The following AGBL1 variants were observed in gnomAD, a reference collection of about 807,000 sequenced individuals.
AGBL1 encodes cytosolic carboxypeptidase 4.
In AGBL1, 130 loss-of-function variants were observed where a neutral mutation model predicts 118.9. The ratio of observed to expected loss-of-function variants is 1.09; its 90% confidence interval spans 0.95 to 1.26. The LOEUF (loss-of-function observed/expected upper bound fraction) is 1.26. AGBL1 is among the 50% of genes most tolerant of loss of function. The probability of loss-of-function intolerance (pLI) is 0.00; values close to 1 mark genes in which losing one functional copy is unlikely to be tolerated. For missense variants in AGBL1, 1,584 were observed against 1,298.1 expected, an observed-to-expected ratio of 1.22 and a Z score of -3.38; for synonymous variants, 555 against 478.9, an observed-to-expected ratio of 1.16 and a Z score of -2.08.
intron 17 of AGBL1, among the ~76,000 whole-genome samples, chr15:86,352,211 T>C (rs955664912): frequency 5.9e-5 from 9 of 152,198 alleles, no homozygotes; most frequent in African/African-American, 2.2e-4. Context: ...CTTGAGTCAC[T>C]AAAGCAACTA....
chr15:86,248,876 G>A (rs182177728), intron 7 of AGBL1, among the ~76,000 whole-genome samples: 3 of 152,142 alleles, frequency 2.0e-5, no homozygotes, highest in Non-Finnish European at 4.4e-5. Flanking sequence ...TAGAGAGAGA[G>A]GTCAAGTCAT....
Position 86,554,417 on chromosome 15 carries a change from C to A in AGBL1, c.2874C>A (p.Ser958Arg). The A allele has an allele frequency of 6.3e-7, 1 of 1,588,464 alleles. No homozygotes were observed. The highest frequency in any genetic ancestry group is 8.6e-7 in the Non-Finnish European group (1 of 1,167,092). Residue 958 changes from serine (S) to arginine (R), a missense_variant, in exon 21 of 23, where the codon AGC becomes AGA. By Grantham distance (110) the Ser-to-Arg change is moderately radical. Transcript: ENST00000614907. ...CAGCATTCACAATGAGCAGCTGCAG[C>A]TTTCTCGTGGAGAAATCTCGAGCTT... ...LAPAFTMSSCSFLVEKSRAST... is the reference protein window; with the variant it reads ...LAPAFTMSSCRFLVEKSRAST...
At chr15:86,106,454 C>A (rs1215530946) in intron 1 of AGBL1, among the ~76,000 whole-genome samples, 3 of 152,212 alleles carry the variant, frequency 2.0e-5, no homozygotes, top group Non-Finnish European at 4.4e-5. Context: ...AATACTTGTT[C>A]TTTTCACTCA....
At chr15:86,924,682 T>C (rs796328905) in intron 23 of AGBL1, among the ~76,000 whole-genome samples, 4 of 152,312 alleles carry the variant, frequency 2.6e-5, no homozygotes, top group African/African-American at 9.6e-5. Context: ...GTTCCCTTCA[T>C]AACTTGGACA....
chr15:86,797,910 C>G (rs1203951018), intron 22 of AGBL1, among the ~76,000 whole-genome samples: 1 of 152,118 alleles, frequency 6.6e-6, no homozygotes, highest in Non-Finnish European at 1.5e-5. Context: ...AAATGGTATT[C>G]TGCTAATGTA....
chr15:86,552,873 G>A (rs2083682941), intron 20 of AGBL1, among the ~76,000 whole-genome samples: 1 of 151,900 alleles, frequency 6.6e-6, no homozygotes, highest in Non-Finnish European at 1.5e-5. Flanking sequence ...TAAGTCTGGA[G>A]GCTATGTAGG....
chr15:86,790,420 A>G (rs997236826), intron 22 of AGBL1, among the ~76,000 whole-genome samples: 1 of 152,010 alleles, frequency 6.6e-6, no homozygotes, highest in Admixed American at 6.6e-5. Flanking sequence ...TTTTAAAAAA[A>G]CTTTCTCTCC....
At chr15:86,307,942 C>T (rs1048111234) in intron 17 of AGBL1, among the ~76,000 whole-genome samples, 2 of 152,154 alleles carry the variant, frequency 1.3e-5, no homozygotes, top group Admixed American at 6.6e-5. Context: ...CATACTACCT[C>T]AGAGTAACTA....
chr15:86,692,555 C>A (rs1343482916), intron 22 of AGBL1, among the ~76,000 whole-genome samples: 2 of 152,080 alleles, frequency 1.3e-5, no homozygotes, highest in African/African-American at 2.4e-5. Context: ...GGAATAAATA[C>A]CACATCTCTT....
rs761777080 is a variant in AGBL1 at position 86,264,460 on chromosome 15, C to G, written c.1289C>G (p.Ser430Cys). ...GGAAGGTCCACTGTGCATCTAGGCT[C>G]CAAAAAAAATCCTGGAGTGAACCTG... ...KTGRSTVHLG[S>C]KKNPGVNLYQ... The change falls in exon 11 of 23, where the codon TCC becomes TGC. Residue 430 changes from serine (S) to cysteine (C), a missense_variant. Ser to Cys is a moderately radical substitution (Grantham distance 112). Coordinates refer to ENST00000614907, the MANE Select transcript of AGBL1 (RefSeq NM_001386094.1). 1.2e-6 allele frequency: 2 copies of G among 1,613,752 alleles called. No homozygotes were observed. The highest frequency in any genetic ancestry group is 1.7e-6 in the Non-Finnish European group (2 of 1,179,808).
intron 21 of AGBL1, among the ~76,000 whole-genome samples, chr15:86,616,139 C>T (rs1296640424): frequency 5.3e-5 from 8 of 151,886 alleles, no homozygotes; most frequent in Non-Finnish European, 7.4e-5. Flanking sequence ...GAGTTTGAGA[C>T]CAGCCTGGCC....
At chr15:86,364,938 G>T (rs903002836) in intron 17 of AGBL1, among the ~76,000 whole-genome samples, 1 of 125,202 alleles carries the variant, frequency 8.0e-6, no homozygotes. Flanking sequence ...TGCAGGAGCC[G>T]CATTGATTTA....
chr15:86,886,185 AAGAT>A (rs2079968582), intron 22 of AGBL1, among the ~76,000 whole-genome samples: 1 of 152,246 alleles, frequency 6.6e-6, no homozygotes, highest in African/African-American at 2.4e-5. Context: ...ATAAAACACA[AAGAT>A]AGAACAGACA....
At chr15:86,681,033 A>G (rs1489218418) in intron 22 of AGBL1, among the ~76,000 whole-genome samples, 2 of 152,018 alleles carry the variant, frequency 1.3e-5, no homozygotes, top group South Asian at 2.1e-4. Flanking sequence ...TGAACATTCT[A>G]TTCTCTTGAA....
intron 2 of AGBL1, among the ~76,000 whole-genome samples, chr15:86,142,915 C>T (rs2076982543): frequency 6.6e-6 from 1 of 152,206 alleles, no homozygotes; most frequent in Non-Finnish European, 1.5e-5. Context: ...GCAGAGAATG[C>T]TACTTTTCAT....
chr15:86,484,765 A>G (rs2082693479), intron 18 of AGBL1, among the ~76,000 whole-genome samples: 1 of 152,138 alleles, frequency 6.6e-6, no homozygotes, highest in African/African-American at 2.4e-5. Context: ...GTTTCCTTCC[A>G]AATCTGCAGC....
At chr15:86,997,651 G>A (rs1254920929) in intron 24 of AGBL1, among the ~76,000 whole-genome samples, 17 of 151,916 alleles carry the variant, frequency 1.1e-4, no homozygotes, top group Non-Finnish European at 8.8e-5. Flanking sequence ...TGATGTGCTA[G>A]GTTTCTTTTT....
chr15:86,545,921 A>C, intron 19 of AGBL1, 81 bp from the exon 20 acceptor site: 1 of 1,500,664 alleles, frequency 6.7e-7, no homozygotes, highest in Non-Finnish European at 9.1e-7. Flanking sequence ...GCCATGGAAC[A>C]TGAGTAGATA....
intron 22 of AGBL1, among the ~76,000 whole-genome samples, chr15:86,827,350 T>C (rs796947952): frequency 1.8e-3 from 14 of 7,798 alleles, no homozygotes; most frequent in African/African-American, 2.0e-3. Context: ...TGTATATATA[T>C]ATATATATAT....
Sources: allele counts gnomAD v4.1 joint callset (sites outside exome capture counted in the v4.1 genomes callset), GRCh38; gene constraint gnomAD v4.1.1; transcripts MANE v1.5; gene names NCBI Gene and HGNC (gene_info 2026-07-23, HGNC 2026-07-21).